TCERG1L: variants seen among roughly 807,000 people sequenced by gnomAD.
TCERG1L encodes the protein transcription elongation regulator 1 like.
Under a neutral mutation model 56.3 loss-of-function variants are expected in TCERG1L, and 37 were observed. That is an observed-to-expected ratio of 0.66 (90% CI 0.51 to 0.87). The LOEUF (loss-of-function observed/expected upper bound fraction) is 0.87, where lower values mean the gene tolerates loss of function less well. TCERG1L is among the 40% of genes least tolerant of loss of function. TCERG1L has a pLI of 0.00. For missense variants in TCERG1L, 799 were observed against 774.2 expected (o/e 1.03, Z -0.38); for synonymous variants, 324 against 326.3 (o/e 0.99, Z 0.08).
intron 7 of TCERG1L, among the ~76,000 whole-genome samples, chr10:131,136,153 T>C (rs1845673487): frequency 6.6e-6 from 1 of 152,188 alleles, no homozygotes; most frequent in African/African-American, 2.4e-5. Context: ...ACACCATTGA[T>C]AATAACTGGG....
chr10:131,198,084 G>T (rs2944472), intron 4 of TCERG1L, among the ~76,000 whole-genome samples: 150,761 of 152,318 alleles, frequency 0.99, 74,629 homozygotes, highest in East Asian at 1. Context: ...CACCTGAGGA[G>T]GTTCTCACCT....
At chr10:131,221,893 G>A (rs965069226) in intron 4 of TCERG1L, among the ~76,000 whole-genome samples, 3 of 152,212 alleles carry the variant, frequency 2.0e-5, no homozygotes, top group African/African-American at 7.2e-5. Context: ...ATCTGCGTGG[G>A]CATCCCAGCT....
intron 9 of TCERG1L, among the ~76,000 whole-genome samples, chr10:131,113,578 G>A (rs1304336648): frequency 7.0e-6 from 1 of 142,300 alleles, no homozygotes; most frequent in Non-Finnish European, 1.6e-5. Context: ...AATCGTCACA[G>A]CGAAGCCTGC....
chr10:131,217,021 A>G (rs1025965202), intron 4 of TCERG1L, among the ~76,000 whole-genome samples: 4 of 152,096 alleles, frequency 2.6e-5, no homozygotes, highest in African/African-American at 9.7e-5. Flanking sequence ...CACAATGCCC[A>G]CAGTCTACAG....
At chr10:131,132,446 A>G (rs1845628047) in intron 8 of TCERG1L, among the ~76,000 whole-genome samples, 1 of 152,242 alleles carries the variant, frequency 6.6e-6, no homozygotes, top group Admixed American at 6.5e-5. Context: ...TGAAATGCCA[A>G]CTGTTGGGAA....
chr10:131,162,968 C>G, intron 6 of TCERG1L, 154 bp downstream of exon 6: 1 of 553,124 alleles, frequency 1.8e-6, no homozygotes, highest in Non-Finnish European at 3.1e-6. Flanking sequence ...AATGTGACCA[C>G]AGTGCAGAAT....
intron 6 of TCERG1L, among the ~76,000 whole-genome samples, chr10:131,159,241 C>T (rs531749543): frequency 2.0e-5 from 3 of 152,268 alleles, no homozygotes; most frequent in East Asian, 1.9e-4. Flanking sequence ...AGGGACTTAC[C>T]GAGCACCGTG....
In TCERG1L at chr10:131,280,856, G is replaced by T. The variant is rs568610870; in HGVS notation, c.671-20412C>A. Among the ~76,000 whole-genome samples, 8 of 152,216 alleles carry T rather than the reference G, an allele frequency of 5.3e-5. No homozygotes were observed. The South Asian group carries it at 1.7e-3, about 32-fold the overall frequency. On this transcript the variant is annotated intron_variant, in intron 3 of 11. Coordinates refer to ENST00000368642, the MANE Select transcript of TCERG1L (RefSeq NM_174937.4). ...CAGCATCCCCACCACCCCAGGCCAGGCCCTCCTGGGAACCCAAGCGACTGT... is the reference window on the plus strand; with the variant it reads ...CAGCATCCCCACCACCCCAGGCCAGTCCCTCCTGGGAACCCAAGCGACTGT...
In TCERG1L at chr10:131,136,620, C is replaced by T. The variant is rs1589725353; in HGVS notation, c.1190-2172G>A. Among the ~76,000 whole-genome samples the T allele has an allele frequency of 1.3e-5, 2 of 152,022 alleles. 1 individual carries two copies. Among genetic ancestry groups the T allele is most frequent in the Admixed American group, 1.3e-4 (2 of 15,272 alleles). On this transcript the variant is annotated intron_variant, in intron 7 of 11. Coordinates refer to ENST00000368642, the MANE Select transcript of TCERG1L (RefSeq NM_174937.4). ...AAGCAATTCTCCTGCCTCAGCCTCC[C>T]GAGCAGCTGGAATCACAGGCACCCG...
intron 3 of TCERG1L, among the ~76,000 whole-genome samples, chr10:131,285,662 A>T (rs544249418): frequency 6.6e-6 from 1 of 152,352 alleles, no homozygotes; most frequent in East Asian, 1.9e-4. Context: ...TAAGTGCAGC[A>T]TTGTGTATAT....
At chr10:131,152,350 G>T (rs1238367802) in intron 6 of TCERG1L, among the ~76,000 whole-genome samples, 1 of 152,140 alleles carries the variant, frequency 6.6e-6, no homozygotes, top group East Asian at 1.9e-4. Context: ...GCAAAAAGCT[G>T]CCAGTCTCTG....
intron 4 of TCERG1L, among the ~76,000 whole-genome samples, chr10:131,211,436 G>T (rs1330252306): frequency 6.6e-6 from 1 of 152,220 alleles, no homozygotes; most frequent in African/African-American, 2.4e-5. Flanking sequence ...CTTTCCCGGT[G>T]TTCTGGGCCC....
rs1846221788 is a variant in TCERG1L, at chr10:131,260,270, G to A, written c.845C>T (p.Ser282Phe). 4.4e-6 allele frequency: 6 copies of A among 1,366,834 alleles called. No homozygotes were observed. The African/African-American group carries it at 7.5e-5, about 17-fold the overall frequency. The allele number at this position is 1,366,834 out of a possible 1,614,324, so 84.7% of individuals were successfully genotyped here. ...LAPIKIPLRTSPVSDTRTERG... is the reference protein window; with the variant it reads ...LAPIKIPLRTFPVSDTRTERG... ...CGCTCCGAGCCTACCTGAGACGGGG[G>A]ACGTCCGGAGGGGTATTTTGATGGG... is the stretch of plus-strand genomic sequence containing the variant. Residue 282 changes from serine (S) to phenylalanine (F), a missense_variant, in exon 4 of 12, where the codon TCC becomes TTC. Ser to Phe is a radical substitution (Grantham distance 155). Transcript: ENST00000368642. This position sits in a 1 kb window ranked among gnomAD's most constrained non-coding sequence, Gnocchi z 5.8.
At chr10:131,094,055 A>G (rs1460759923) in intron 11 of TCERG1L, among the ~76,000 whole-genome samples, 2 of 152,234 alleles carry the variant, frequency 1.3e-5, no homozygotes, top group African/African-American at 2.4e-5. Context: ...CCCAGCCTAG[A>G]GCAGCAAGGC....
chr10:131,298,736 T>G (rs185022478), intron 3 of TCERG1L, among the ~76,000 whole-genome samples: 78 of 152,322 alleles, frequency 5.1e-4, no homozygotes, highest in Middle Eastern at 3.4e-3. Context: ...ATTTAAAATT[T>G]TTGACTTGTT....
In TCERG1L at chr10:131,281,608, T is replaced by A. The variant is rs75751845; in HGVS notation, c.671-21164A>T. Reference sequence around the variant, plus strand: ...GTTTGGCCACTGGGAGCTGCCTGTTTCTATTCTTCCCAAAGGCAAACCCTC... The same window carrying A: ...GTTTGGCCACTGGGAGCTGCCTGTTACTATTCTTCCCAAAGGCAAACCCTC... On this transcript the variant is annotated intron_variant, in intron 3 of 11. Coordinates refer to ENST00000368642, the MANE Select transcript of TCERG1L (RefSeq NM_174937.4). 4.3e-3 allele frequency among the ~76,000 whole-genome samples: 653 copies of A among 152,168 alleles called. 13 individuals carry two copies. The East Asian group carries it at 0.069, about 16-fold the overall frequency.
intron 4 of TCERG1L, among the ~76,000 whole-genome samples, chr10:131,202,365 T>C (rs1209397623): frequency 2.6e-5 from 4 of 152,174 alleles, no homozygotes; most frequent in Admixed American, 2.0e-4. Context: ...GCGGATCACC[T>C]GAGGTCAGGA....
At chr10:131,149,886 G>C (rs11522472) in intron 6 of TCERG1L, among the ~76,000 whole-genome samples, 30,771 of 152,160 alleles carry the variant, frequency 0.2, 3,485 homozygotes, top group East Asian at 0.35. Flanking sequence ...AGGACCAGAG[G>C]AAGCCCAGAT....
chr10:131,135,079 T>G (rs10829914), intron 7 of TCERG1L, among the ~76,000 whole-genome samples: 39,322 of 152,168 alleles, frequency 0.26, 5,587 homozygotes, highest in East Asian at 0.34. Flanking sequence ...GGTGCTTTGG[T>G]GTTTCCTGTG....
Sources: gnomAD v4.1 joint callset for allele counts (sites outside exome capture counted in the v4.1 genomes callset) on GRCh38, gnomAD v4.1.1 for gene constraint, Gnocchi (gnomAD v3.1) non-coding constraint, MANE v1.5 for transcripts, NCBI Gene and HGNC (gene_info 2026-07-23, HGNC 2026-07-21) for gene names.